Variants in SLC35F1 observed in about 807,000 individuals in gnomAD.
SLC35F1 encodes the protein chromosome 6 open reading frame 169.
In SLC35F1, 14 loss-of-function variants were observed where a neutral mutation model predicts 48.7. The ratio of observed to expected loss-of-function variants is 0.29; its 90% CI spans 0.19 to 0.45. The LOEUF is 0.45. SLC35F1 is among the 20% of genes least tolerant of loss of function. SLC35F1 has a pLI of 1.00. For synonymous variants in SLC35F1, 190 were observed against 202.2 expected, an observed-to-expected ratio of 0.94 and a Z score of 0.51; for missense variants, 404 against 500.0, an observed-to-expected ratio of 0.81 and a Z score of 1.83.
chr6:118,178,380 T>C (rs757772767), intron 2 of SLC35F1, among the ~76,000 whole-genome samples: 3 of 152,250 alleles, frequency 2.0e-5, no homozygotes, highest in Admixed American at 6.5e-5. Flanking sequence ...AGTTTTCATA[T>C]CCTTTTTACT....
intron 1 of SLC35F1, among the ~76,000 whole-genome samples, chr6:117,956,654 A>G (rs1186118149): frequency 6.6e-6 from 1 of 152,200 alleles, no homozygotes; most frequent in African/African-American, 2.4e-5. Context: ...CCACTGACTA[A>G]TAGGAGACAT....
At chr6:118,112,858 T>TGG (rs1468534567) in intron 1 of SLC35F1, among the ~76,000 whole-genome samples, 13 of 152,106 alleles carry the variant, frequency 8.5e-5, no homozygotes, top group African/African-American at 3.1e-4. Context: ...ATATGATCAA[T>TGG]ATCAATCCAG....
At chr6:117,999,665 T>G (rs9766457) in intron 1 of SLC35F1, among the ~76,000 whole-genome samples, 43,041 of 151,414 alleles carry the variant, frequency 0.28, 6,442 homozygotes, top group Admixed American at 0.37. Flanking sequence ...CAGGAGCTGG[T>G]TTTTTGAAAG....
At chr6:118,155,655 G>A (rs1774129603) in intron 2 of SLC35F1, among the ~76,000 whole-genome samples, 1 of 152,158 alleles carries the variant, frequency 6.6e-6, no homozygotes, top group Admixed American at 6.5e-5. Flanking sequence ...CATTATAGCA[G>A]CACAAAATGG....
intron 1 of SLC35F1, among the ~76,000 whole-genome samples, chr6:117,979,163 G>A (rs975064496): frequency 6.6e-6 from 1 of 152,222 alleles, no homozygotes; most frequent in African/African-American, 2.4e-5. Context: ...CTAGCGAAGA[G>A]CAGCTCCCCA....
intron 1 of SLC35F1, among the ~76,000 whole-genome samples, chr6:117,943,451 A>C (rs540391164): frequency 5.9e-5 from 9 of 152,310 alleles, no homozygotes; most frequent in African/African-American, 2.2e-4. Context: ...AAAACTAACA[A>C]ATTTAATGTC....
At chr6:118,119,493 C>T (rs1325683343) in intron 1 of SLC35F1, among the ~76,000 whole-genome samples, 2 of 64,390 alleles carry the variant, frequency 3.1e-5, no homozygotes, top group Admixed American at 4.3e-4. Context: ...TAATAACCGG[C>T]GCCCCCCCTC....
chr6:118,285,078 G>A (rs773114481), intron 6 of SLC35F1, 106 bp from the exon 7 acceptor site: 205 of 1,186,064 alleles, frequency 1.7e-4, no homozygotes, highest in Non-Finnish European at 2.3e-4. Context: ...AAACTGCCTT[G>A]TGTGAGTGAC....
intron 1 of SLC35F1, among the ~76,000 whole-genome samples, chr6:118,094,338 A>T (rs918355919): frequency 3.9e-5 from 6 of 152,186 alleles, no homozygotes; most frequent in Admixed American, 6.5e-5. Flanking sequence ...TGATAAGTAA[A>T]TGATGTAGAG....
intron 1 of SLC35F1, among the ~76,000 whole-genome samples, chr6:118,018,521 T>C (rs1210032805): frequency 1.3e-5 from 2 of 152,052 alleles, no homozygotes; most frequent in Non-Finnish European, 2.9e-5. Flanking sequence ...TACATCTTTG[T>C]TATTGTTATT....
chr6:118,040,511 C>T (rs939798011), intron 1 of SLC35F1, among the ~76,000 whole-genome samples: 1 of 152,112 alleles, frequency 6.6e-6, no homozygotes, highest in Non-Finnish European at 1.5e-5. Flanking sequence ...AAGAACAAAA[C>T]AGTGATAGGA....
At chr6:118,109,463 A>C (rs1773368553) in intron 1 of SLC35F1, among the ~76,000 whole-genome samples, 1 of 152,142 alleles carries the variant, frequency 6.6e-6, no homozygotes, top group Non-Finnish European at 1.5e-5. Context: ...TCAAGCATAA[A>C]CTTCAGCTGA....
intron 1 of SLC35F1, among the ~76,000 whole-genome samples, chr6:118,019,516 G>A (rs1314787312): frequency 6.6e-6 from 1 of 152,150 alleles, no homozygotes; most frequent in East Asian, 1.9e-4. Context: ...CAGCTACTGG[G>A]AAGGCTGAGG....
intron 1 of SLC35F1, among the ~76,000 whole-genome samples, chr6:117,949,468 C>T (rs967789312): frequency 6.6e-6 from 1 of 151,924 alleles, no homozygotes; most frequent in African/African-American, 2.4e-5. Flanking sequence ...AGTTATTTCC[C>T]CTCTTTCCAA....
At chr6:117,967,730 A>T (rs1776588998) in intron 1 of SLC35F1, among the ~76,000 whole-genome samples, 1 of 152,176 alleles carries the variant, frequency 6.6e-6, no homozygotes, top group Admixed American at 6.5e-5. Flanking sequence ...ATGAAAGTTA[A>T]CTTAATTATT....
At chr6:117,980,431 T>A (rs763828633) in intron 1 of SLC35F1, among the ~76,000 whole-genome samples, 1 of 152,212 alleles carries the variant, frequency 6.6e-6, no homozygotes, top group African/African-American at 2.4e-5. Flanking sequence ...TCTAATGTTG[T>A]ATATGTTGAG....
chr6:117,984,416 G>A (rs1046647823), intron 1 of SLC35F1, among the ~76,000 whole-genome samples: 21 of 150,966 alleles, frequency 1.4e-4, no homozygotes, highest in African/African-American at 3.9e-4. Flanking sequence ...GGAGAATGGC[G>A]TGAACCTCGG....
rs533791305 is a variant in SLC35F1 at position 118,171,414 on chromosome 6, G to C, written c.349+16794G>C. 9.9e-5 allele frequency among the ~76,000 whole-genome samples: 15 copies of C among 152,230 alleles called. No individual in the cohort carries two copies. The South Asian group carries it at 3.1e-3, about 32-fold the overall frequency. ...GGTCATACAAATTGTTTCCAATTTT[G>C]AATTATTCCATCCATTTTTATAGAA... On this transcript the variant is annotated intron_variant, in intron 2 of 7. Coordinates refer to ENST00000360388, the MANE Select transcript of SLC35F1 (RefSeq NM_001029858.4).
chr6:117,972,939 A>G (rs947433609), intron 1 of SLC35F1, among the ~76,000 whole-genome samples: 5 of 152,256 alleles, frequency 3.3e-5, no homozygotes, highest in African/African-American at 1.2e-4. Flanking sequence ...ATAAATGTTA[A>G]AATTGTGGAA....
Sources: gnomAD v4.1 joint callset for allele counts (sites outside exome capture counted in the v4.1 genomes callset) on GRCh38, gnomAD v4.1.1 for gene constraint, MANE v1.5 for transcripts, NCBI Gene and HGNC (gene_info 2026-07-23, HGNC 2026-07-21) for gene names.